Variants in RASEF observed in about 807,000 individuals in gnomAD.
RASEF encodes ras and EF-hand domain-containing protein.
RASEF carries 68 observed loss-of-function variants against 90.1 expected under a neutral mutation model. The observed-to-expected ratio is 0.75, with a 90% CI of 0.62 to 0.92. The LOEUF (loss-of-function observed/expected upper bound fraction) is 0.92, where lower values mean the gene tolerates loss of function less well. Among genes scored for constraint, RASEF ranks in the 40% least tolerant of loss-of-function variants. The probability of loss-of-function intolerance (pLI) is 0.00; values close to 1 mark genes in which losing one functional copy is unlikely to be tolerated. For synonymous variants in RASEF, 331 were observed against 345.2 expected, an observed-to-expected ratio of 0.96 and a Z score of 0.46; for missense variants, 949 against 937.2, an observed-to-expected ratio of 1.01 and a Z score of -0.16.
intron 16 of RASEF, among the ~76,000 whole-genome samples, chr9:82,986,490 C>T (rs912119947): frequency 2.0e-5 from 3 of 152,208 alleles, no homozygotes; most frequent in Non-Finnish European, 4.4e-5. Flanking sequence ...ATTATTGAAC[C>T]TGAAAGCAAA....
Position 82,998,441 on chromosome 9 carries a change from C to A in RASEF, c.1729G>T (p.Asp577Tyr). The A allele has an allele frequency of 1.2e-6, 2 of 1,601,588 alleles. No homozygotes were observed. The highest frequency in any genetic ancestry group is 2.2e-5 in the South Asian group (2 of 90,806). ...ACAATGAGGGTTTTCATTTGGAAATCAACTCCTGAAAAGGAATGTGAGAGT... is the reference window on the plus strand; with the variant it reads ...ACAATGAGGGTTTTCATTTGGAAATAAACTCCTGAAAAGGAATGTGAGAGT... ...RENISATLGVDFQMKTLIVDG... is the reference protein window; with the variant it reads ...RENISATLGVYFQMKTLIVDG... The change falls in exon 13 of 17, where the codon GAT (aspartate) becomes TAT (tyrosine). Residue 577 changes from aspartate to tyrosine, a missense_variant. By Grantham distance (160) the Asp-to-Tyr change is radical (BLOSUM62 -3). This residue lies in a region of RASEF where 288 missense variants were observed against 328.4 expected (regional missense o/e 0.88). Coordinates refer to ENST00000376447, the MANE Select transcript of RASEF (RefSeq NM_152573.4).
chr9:83,038,406 A>AC (rs1829781057), intron 1 of RASEF, among the ~76,000 whole-genome samples: 2 of 152,172 alleles, frequency 1.3e-5, no homozygotes, highest in African/African-American at 2.4e-5. Flanking sequence ...TCAACTGCTG[A>AC]TGTCAACAAT....
intron 1 of RASEF, among the ~76,000 whole-genome samples, chr9:83,036,594 G>C (rs1010911693): frequency 6.6e-6 from 1 of 152,112 alleles, no homozygotes; most frequent in South Asian, 2.1e-4. Context: ...CAACAACCTC[G>C]AAAGTAGATA....
intron 1 of RASEF, among the ~76,000 whole-genome samples, chr9:83,043,398 G>GC (rs67195097): frequency 3.6e-5 from 3 of 82,490 alleles, no homozygotes; most frequent in African/African-American, 1.6e-4. Flanking sequence ...TGCAGTGATT[G>GC]GGGGGGGGGA....
chr9:83,173,761 G>A, the RASEF span, among the ~76,000 whole-genome samples: 3 of 151,614 alleles, frequency 2.0e-5, no homozygotes, highest in South Asian at 2.1e-4. Context: ...AGTCTGTTTG[G>A]TGATGTCATA....
intron 14 of RASEF, among the ~76,000 whole-genome samples, chr9:82,993,461 G>A (rs544124579): frequency 3.0e-4 from 46 of 152,286 alleles, no homozygotes; most frequent in African/African-American, 1.1e-3. Context: ...ATTTGGCTGT[G>A]CTGCCCACAT....
At chr9:83,014,668 A>G (rs536099229) in intron 4 of RASEF, among the ~76,000 whole-genome samples, 24 of 152,200 alleles carry the variant, frequency 1.6e-4, no homozygotes, top group Admixed American at 5.2e-4. Context: ...ACACATCCCC[A>G]TTAGTTATGG....
the RASEF span, among the ~76,000 whole-genome samples, chr9:83,068,630 G>A: frequency 0.023 from 3,508 of 152,262 alleles, 124 homozygotes; most frequent in African/African-American, 0.079. Flanking sequence ...AAATCAAATC[G>A]ACATATTGAT....
chr9:83,118,816 T>C, the RASEF span, among the ~76,000 whole-genome samples: 1 of 152,294 alleles, frequency 6.6e-6, no homozygotes, highest in African/African-American at 2.4e-5. Context: ...GAGTTTTACC[T>C]AACATTTGAT....
chr9:83,134,747 A>C, the RASEF span, among the ~76,000 whole-genome samples: 5 of 152,130 alleles, frequency 3.3e-5, no homozygotes, highest in Non-Finnish European at 7.3e-5. Flanking sequence ...CAACAATTCC[A>C]CTTCTAAGGG....
intron 1 of RASEF, among the ~76,000 whole-genome samples, chr9:83,041,929 C>T (rs1160609874): frequency 6.6e-6 from 1 of 152,202 alleles, no homozygotes; most frequent in African/African-American, 2.4e-5. Flanking sequence ...CCAACAGAGG[C>T]TGACCTCAAC....
At chr9:83,191,788 G>T in the RASEF span, among the ~76,000 whole-genome samples, 1 of 152,160 alleles carries the variant, frequency 6.6e-6, no homozygotes, top group Non-Finnish European at 1.5e-5. Context: ...ACAGTGACTT[G>T]AATGAAAACA....
Position 82,997,034 on chromosome 9 carries a change from C to G in RASEF, c.1898G>C (p.Arg633Pro). 2 of 1,603,632 alleles carry G rather than the reference C, an allele frequency of 1.2e-6. No homozygotes were observed. Among genetic ancestry groups the G allele is most frequent in the Non-Finnish European group, 1.7e-6 (2 of 1,170,546 alleles). ...TACCTCAATCATATCTACCCATTCT[C>G]GTATGTTAAGAAAGCTTTTCTCACA... ...VTCEKSFLNIREWVDMIEDAA... is the reference protein window; with the variant it reads ...VTCEKSFLNIPEWVDMIEDAA... The change falls in exon 14 of 17, where the codon CGA becomes CCA. Residue 633 changes from arginine (R) to proline (P), a missense_variant. Coordinates refer to ENST00000376447, the MANE Select transcript of RASEF (RefSeq NM_152573.4).
At chr9:83,008,540 C>G (rs1361857469) in intron 6 of RASEF, among the ~76,000 whole-genome samples, 2 of 151,954 alleles carry the variant, frequency 1.3e-5, no homozygotes, top group African/African-American at 4.8e-5. Context: ...AGGTCCCTGT[C>G]TCACCAGATG....
the RASEF span, among the ~76,000 whole-genome samples, chr9:83,110,528 G>C: frequency 6.6e-6 from 1 of 152,238 alleles, no homozygotes; most frequent in East Asian, 1.9e-4. Context: ...AGAATGAAAA[G>C]GTGGGGACTT....
the RASEF span, among the ~76,000 whole-genome samples, chr9:83,117,439 T>C: frequency 6.6e-6 from 1 of 152,208 alleles, no homozygotes; most frequent in African/African-American, 2.4e-5. Flanking sequence ...CTCAGGATCA[T>C]TCCACCTCAG....
chr9:83,175,697 C>A, the RASEF span, among the ~76,000 whole-genome samples: 1 of 152,080 alleles, frequency 6.6e-6, no homozygotes, highest in Admixed American at 6.5e-5. Flanking sequence ...TCTCCTGCCT[C>A]AGCCTCCTGA....
intron 16 of RASEF, among the ~76,000 whole-genome samples, chr9:82,988,279 G>A (rs1015625055): frequency 1.3e-5 from 2 of 152,120 alleles, no homozygotes; most frequent in African/African-American, 4.8e-5. Flanking sequence ...CCATAAGTGC[G>A]TGGAATCTGT....
At chr9:83,097,843 T>C in the RASEF span, among the ~76,000 whole-genome samples, 1 of 152,188 alleles carries the variant, frequency 6.6e-6, no homozygotes, top group Non-Finnish European at 1.5e-5. Context: ...ATCATCATTG[T>C]CATCGTCGTC....
Sources: allele counts gnomAD v4.1 joint callset (sites outside exome capture counted in the v4.1 genomes callset), GRCh38; gene constraint gnomAD v4.1.1; regional missense constraint gnomAD v4.1.1; transcripts MANE v1.5; gene names NCBI Gene and HGNC (gene_info 2026-07-23, HGNC 2026-07-21).